The following PHF24 variants were observed in gnomAD, a reference collection of about 807,000 sequenced individuals.
PHF24 encodes the protein PHD finger protein 24.
Under a neutral mutation model 42.6 loss-of-function variants are expected in PHF24, and 25 were observed. The ratio of observed to expected loss-of-function variants is 0.59; its 90% CI spans 0.43 to 0.82. The LOEUF is 0.82. PHF24 is among the 40% of genes least tolerant of loss of function. PHF24 has a pLI of 0.00. For missense variants in PHF24, 470 were observed against 538.1 expected, an observed-to-expected ratio of 0.87 and a Z score of 1.25; for synonymous variants, 185 against 204.8, an observed-to-expected ratio of 0.90 and a Z score of 0.83.
chr9:34,969,019 A>T (rs1282528554), intron 1 of PHF24, among the ~76,000 whole-genome samples: 1 of 152,224 alleles, frequency 6.6e-6, no homozygotes, highest in East Asian at 1.9e-4. Context: ...AATAGGCACT[A>T]GTCAGGTGGG....
the PHF24 span, among the ~76,000 whole-genome samples, chr9:34,856,966 A>C: frequency 6.6e-6 from 1 of 152,178 alleles, no homozygotes; most frequent in Non-Finnish European, 1.5e-5. Context: ...GAGTTGCTAA[A>C]ATTTCTGCAG....
the PHF24 span, among the ~76,000 whole-genome samples, chr9:34,699,351 G>C: frequency 1.3e-5 from 2 of 152,250 alleles, no homozygotes; most frequent in African/African-American, 4.8e-5. Flanking sequence ...CTGAAATACA[G>C]TGGTTAAGGG....
the PHF24 span, among the ~76,000 whole-genome samples, chr9:34,910,135 A>G: frequency 6.6e-6 from 1 of 152,222 alleles, no homozygotes; most frequent in Non-Finnish European, 1.5e-5. Context: ...TCTATATGTG[A>G]AAATGGGTTT....
At chr9:34,886,810 C>CTATCTATG in the PHF24 span, among the ~76,000 whole-genome samples, 106 of 96,320 alleles carry the variant, frequency 1.1e-3, no homozygotes, top group African/African-American at 3.5e-3. Context: ...ATCTATGTAT[C>CTATCTATG]TATCTATGTA....
the PHF24 span, among the ~76,000 whole-genome samples, chr9:34,861,936 A>G: frequency 6.6e-6 from 1 of 152,238 alleles, no homozygotes; most frequent in Non-Finnish European, 1.5e-5. Flanking sequence ...TGCCATAGCA[A>G]AATACAAACA....
At chr9:34,725,824 A>G in the PHF24 span, 1 of 1,550,552 alleles carries the variant, frequency 6.4e-7, no homozygotes, top group Non-Finnish European at 8.7e-7. Flanking sequence ...AGGAGAGCTC[A>G]TTGAAGAGAA....
the PHF24 span, among the ~76,000 whole-genome samples, chr9:34,928,311 A>G: frequency 3.3e-5 from 5 of 152,154 alleles, no homozygotes; most frequent in African/African-American, 1.2e-4. Context: ...AAAGAGTATA[A>G]TTGGATTGTT....
At chr9:34,892,916 A>G in the PHF24 span, 1 of 688,316 alleles carries the variant, frequency 1.5e-6, no homozygotes. Flanking sequence ...TGCCAGTGAA[A>G]GCTCTTTGGA....
At chr9:34,875,237 C>T in the PHF24 span, among the ~76,000 whole-genome samples, 1 of 152,200 alleles carries the variant, frequency 6.6e-6, no homozygotes, top group African/African-American at 2.4e-5. Context: ...GAATTCTGTT[C>T]TTGCATCACT....
Position 34,977,512 on chromosome 9 carries a change from C to T in PHF24, c.1011-34C>T, listed in dbSNP as rs763634628. ...TGGGAGGGGGCAGGCATTTCACTAT[C>T]CCACTCCTAACCACGTGTCCTCATG... On this transcript the variant is annotated intron_variant, in intron 6 of 7. Coordinates refer to ENST00000242315, the Ensembl canonical transcript of PHF24. The T allele has an allele frequency of 4.4e-6, 7 of 1,574,708 alleles. No homozygotes were observed. In the South Asian group the frequency reaches 6.9e-5, roughly 16 times the overall value.
At chr9:34,776,291 C>T in the PHF24 span, among the ~76,000 whole-genome samples, 81,765 of 152,056 alleles carry the variant, frequency 0.54, 23,591 homozygotes, top group Non-Finnish European at 0.65. Flanking sequence ...AGATTACATG[C>T]CACTGTTTCC....
the PHF24 span, among the ~76,000 whole-genome samples, chr9:34,940,101 C>T: frequency 6.6e-6 from 1 of 152,202 alleles, no homozygotes; most frequent in Non-Finnish European, 1.5e-5. Context: ...GGGGGAAAGT[C>T]TCTTGGGTAA....
the PHF24 span, among the ~76,000 whole-genome samples, chr9:34,770,583 C>G: frequency 2.0e-5 from 3 of 151,848 alleles, no homozygotes; most frequent in African/African-American, 7.3e-5. Flanking sequence ...TAACACATAC[C>G]CTTTGTGTGT....
chr9:34,793,897 T>C, the PHF24 span, among the ~76,000 whole-genome samples: 1 of 151,672 alleles, frequency 6.6e-6, no homozygotes, highest in East Asian at 2.0e-4. Context: ...TGAACCCCTG[T>C]TATTTTTTTT....
At chr9:34,691,038 A>C in the PHF24 span, 1 of 1,465,512 alleles carries the variant, frequency 6.8e-7, no homozygotes, top group Non-Finnish European at 9.4e-7. Context: ...TCTAGACATT[A>C]CCCACTGCCA....
the PHF24 span, among the ~76,000 whole-genome samples, chr9:34,762,645 G>A: frequency 4.7e-4 from 69 of 148,064 alleles, no homozygotes; most frequent in African/African-American, 1.6e-3. Flanking sequence ...CATTTTGTAG[G>A]TTGCCTGTTC....
exon 8 of PHF24, chr9:34,981,981 T>C (rs1827407509): frequency 6.6e-6 from 1 of 152,116 alleles, no homozygotes; most frequent in South Asian, 2.1e-4. Context: ...CCACTATTTT[T>C]GGCAACCTTG....
At chr9:34,971,541 G>C (rs968222898) in exon 2 of PHF24, 7 of 1,614,182 alleles carry the variant, frequency 4.3e-6, no homozygotes, top group Non-Finnish European at 5.9e-6. Context: ...CCTGGGAGCG[G>C]CTCCGAGATG....
chr9:34,899,847 C>G, the PHF24 span, among the ~76,000 whole-genome samples: 6 of 152,172 alleles, frequency 3.9e-5, no homozygotes, highest in Non-Finnish European at 7.3e-5. Context: ...CAATCCCAGC[C>G]TTATATCAGA....
Sources: allele counts gnomAD v4.1 joint callset (sites outside exome capture counted in the v4.1 genomes callset), GRCh38; gene constraint gnomAD v4.1.1; transcripts MANE v1.5; gene names NCBI Gene and HGNC (gene_info 2026-07-23, HGNC 2026-07-21).